Variants in MYB observed in about 807,000 individuals in gnomAD.
The protein encoded by MYB is transcriptional activator Myb.
MYB carries 28 observed loss-of-function variants against 92.9 expected under a neutral mutation model. That is an observed-to-expected ratio of 0.30 (90% confidence interval 0.22 to 0.41). MYB has a LOEUF of 0.41. Among genes scored for constraint, MYB ranks in the 10% least tolerant of loss-of-function variants. The pLI, the probability that MYB is intolerant of heterozygous loss-of-function variation, is 1.00. For missense variants in MYB, 679 were observed against 929.3 expected, an observed-to-expected ratio of 0.73 and a Z score of 3.50; for synonymous variants, 295 against 329.1, an observed-to-expected ratio of 0.90 and a Z score of 1.12.
intron 10 of MYB, among the ~76,000 whole-genome samples, chr6:135,197,946 T>C (rs751858069): frequency 2.4e-4 from 37 of 152,242 alleles, no homozygotes; most frequent in Non-Finnish European, 5.0e-4. Context: ...ATATTTTTAT[T>C]TCATACAGCT....
intron 2 of MYB, among the ~76,000 whole-genome samples, chr6:135,186,628 A>G (rs899781540): frequency 6.6e-6 from 1 of 152,234 alleles, no homozygotes; most frequent in Non-Finnish European, 1.5e-5. Flanking sequence ...TCATCTTTTT[A>G]CAGTGTATTG....
intron 15 of MYB, among the ~76,000 whole-genome samples, chr6:135,211,506 T>G (rs1343573738): frequency 6.6e-6 from 1 of 152,042 alleles, no homozygotes; most frequent in Non-Finnish European, 1.5e-5. Flanking sequence ...GAGATAAAAA[T>G]CTTCCTTGGG....
At chr6:135,210,156 A>C (rs547217117) in intron 15 of MYB, among the ~76,000 whole-genome samples, 1 of 152,342 alleles carries the variant, frequency 6.6e-6, no homozygotes, top group Non-Finnish European at 1.5e-5. Flanking sequence ...ACTTTCCTTA[A>C]GGTAGACATT....
intron 15 of MYB, chr6:135,203,933 C>T (rs1288659514): frequency 9.1e-7 from 1 of 1,103,508 alleles, no homozygotes; most frequent in Non-Finnish European, 1.1e-6. Context: ...TAACCAATTC[C>T]AAATTAATCC....
chr6:135,195,493 C>T (rs1777176913), intron 8 of MYB: 2 of 489,826 alleles, frequency 4.1e-6, no homozygotes, highest in African/African-American at 1.9e-5. Flanking sequence ...GAAATATAGA[C>T]CTATGATTTG....
Position 135,190,740 on chromosome 6 carries a change from AAGGAACTC to A in MYB, c.527+396_527+403del, listed in dbSNP as rs1776515829. 6.6e-6 allele frequency among the ~76,000 whole-genome samples: 1 copy of A among 152,214 alleles called. No individual in the cohort carries two copies. Among genetic ancestry groups the A allele is most frequent in the African/African-American group, 2.4e-5 (1 of 41,462 alleles). On this transcript the variant is annotated intron_variant, in intron 5 of 15. Transcript: ENST00000341911. The surrounding 1 kb of genome is among the most constrained non-coding windows in gnomAD (Gnocchi z 4.5). Reference sequence around the variant, plus strand: ...TTCACGTAGCTGGTTAAGTTACTCAAAGGAACTCAGCTACCATTTTCCTGATAACCATC... The same window carrying A: ...TTCACGTAGCTGGTTAAGTTACTCAAAGCTACCATTTTCCTGATAACCATC...
chr6:135,210,395 G>A (rs763424616), intron 15 of MYB, among the ~76,000 whole-genome samples: 3 of 152,080 alleles, frequency 2.0e-5, no homozygotes, highest in South Asian at 2.1e-4. Flanking sequence ...TTAAAACAAG[G>A]AGTTTAAGTT....
At chr6:135,212,127 C>A (rs1779786447) in intron 15 of MYB, among the ~76,000 whole-genome samples, 1 of 140,298 alleles carries the variant, frequency 7.1e-6, no homozygotes, top group African/African-American at 2.7e-5. Context: ...GCAGAAAATT[C>A]TTATTTTTTA....
chr6:135,203,787 T>A (rs947163100), intron 15 of MYB: 1 of 1,303,530 alleles, frequency 7.7e-7, no homozygotes, highest in African/African-American at 1.5e-5. Flanking sequence ...ATAATTGCAA[T>A]GTATTTGACT....
chr6:135,217,299 G>C (rs979434368), intron 15 of MYB, among the ~76,000 whole-genome samples: 1 of 151,922 alleles, frequency 6.6e-6, no homozygotes, highest in African/African-American at 2.4e-5. Flanking sequence ...AGCCCAGGAG[G>C]CTGAGGCTAC....
At chr6:135,203,754 G>A (rs1333194422) in intron 15 of MYB, 1 of 1,344,276 alleles carries the variant, frequency 7.4e-7, no homozygotes, top group East Asian at 4.4e-5. Context: ...TTTAAATGAA[G>A]TCTGAAATTA....
intron 14 of MYB, chr6:135,202,659 C>T (rs555472176): frequency 4.6e-5 from 12 of 259,260 alleles, no homozygotes; most frequent in South Asian, 1.2e-4. Flanking sequence ...TGAGCCACCG[C>T]GCCCGGCCAG....
chr6:135,203,283 T>G lies in MYB; in HGVS notation c.2128T>G (p.Phe710Val). The change falls in exon 15 of 16, where the codon TTT (phenylalanine) becomes GTT (valine). Residue 710 changes from phenylalanine to valine, a missense_variant. This residue lies in a region of MYB where 402 missense variants were observed against 434.2 expected (regional missense o/e 0.93). Transcript: ENST00000341911. ...AGATGAAGACAATGTTCTCAAAGCA[T>G]TTACAGTACCTAAAAACAGGTCCCT... The part of the protein sequence containing the change: ...SEDEDNVLKA[F>V]TVPKNRSLAS... The G allele has an allele frequency of 2.5e-6, 4 of 1,610,974 alleles. No individual in the cohort carries two copies. Among genetic ancestry groups the G allele is most frequent in the Non-Finnish European group, 3.4e-6 (4 of 1,177,142 alleles).
intron 14 of MYB, chr6:135,202,988 T>C: frequency 1.4e-6 from 1 of 700,060 alleles, no homozygotes; most frequent in South Asian, 1.5e-5. Flanking sequence ...AACTCTGGGA[T>C]CCCAAAGGAG....
In MYB at chr6:135,201,153, G is replaced by T. The variant is rs150430211; in HGVS notation, c.1951-486G>T. Reference sequence around the variant, plus strand: ...AAGTTTTAGCTTGTTGGCAACAGCTGTTTTCCACCAGGTTAGATACAGTGC... The same window carrying T: ...AAGTTTTAGCTTGTTGGCAACAGCTTTTTTCCACCAGGTTAGATACAGTGC... On this transcript the variant is annotated intron_variant, in intron 13 of 15. Transcript: ENST00000341911. Among the ~76,000 whole-genome samples the T allele has an allele frequency of 9.9e-5, 15 of 152,220 alleles. No homozygotes were observed. In the East Asian group the frequency reaches 2.9e-3, roughly 29 times the overall value.
chr6:135,189,767 G>A, intron 3 of MYB, 24 bp from the exon 4 acceptor site: 1 of 1,591,612 alleles, frequency 6.3e-7, no homozygotes, highest in South Asian at 1.1e-5. Context: ...TATCTTTATG[G>A]TGGTGCATAC....
intron 15 of MYB, among the ~76,000 whole-genome samples, chr6:135,207,353 A>T (rs1779083026): frequency 6.6e-6 from 1 of 152,238 alleles, no homozygotes; most frequent in South Asian, 2.1e-4. Context: ...AACTGGTGTA[A>T]TGCAGTTGAT....
At chr6:135,212,557 A>G (rs1583424487) in intron 15 of MYB, among the ~76,000 whole-genome samples, 2 of 152,280 alleles carry the variant, frequency 1.3e-5, no homozygotes, top group South Asian at 4.2e-4. Context: ...GCTTTGACAG[A>G]CTGTTTATAG....
At chr6:135,199,690 C>CA (rs974686823) in intron 11 of MYB, 18 of 380,540 alleles carry the variant, frequency 4.7e-5, no homozygotes, top group Non-Finnish European at 5.7e-5. Context: ...TTTCGAAGTA[C>CA]AAAAAGTAAA....
Sources: gnomAD v4.1 joint callset for allele counts (sites outside exome capture counted in the v4.1 genomes callset) on GRCh38, gnomAD v4.1.1 for gene constraint, gnomAD v4.1.1 regional missense constraint, Gnocchi (gnomAD v3.1) non-coding constraint, MANE v1.5 for transcripts, NCBI Gene and HGNC (gene_info 2026-07-23, HGNC 2026-07-21) for gene names.